Variants in CFAP54 observed in about 807,000 individuals in gnomAD.
CFAP54 encodes the protein cilia and flagella associated protein 54.
Under a neutral mutation model 370.4 loss-of-function variants are expected in CFAP54, and 290 were observed. The observed-to-expected ratio is 0.78, with a 90% CI of 0.71 to 0.86. The LOEUF (loss-of-function observed/expected upper bound fraction) is 0.86. Among genes scored for constraint, CFAP54 ranks in the 40% least tolerant of loss-of-function variants. CFAP54 has a pLI of 0.00. For missense variants in CFAP54, 3,399 were observed against 3,528.7 expected (o/e 0.96, Z 0.93); for synonymous variants, 1,206 against 1,236.5 (o/e 0.98, Z 0.52).
At chr12:96,682,419 G>T in intron 40 of CFAP54, 1 of 531,446 alleles carries the variant, frequency 1.9e-6, no homozygotes, top group Non-Finnish European at 2.4e-6. Flanking sequence ...CCAGGCTGGA[G>T]TGCAGTGGTG....
At chr12:96,684,791 A>C (rs369200967) in intron 41 of CFAP54, 56 bp downstream of exon 41, 255 of 1,412,502 alleles carry the variant, frequency 1.8e-4, no homozygotes, top group Non-Finnish European at 2.4e-4. Context: ...TGCTTGTTTG[A>C]AGAAGTTTTT....
At chr12:96,507,560 TAC>T (rs1303315790) in intron 4 of CFAP54, among the ~76,000 whole-genome samples, 2 of 61,626 alleles carry the variant, frequency 3.2e-5, no homozygotes, top group African/African-American at 1.1e-4. Flanking sequence ...CACACACACA[TAC>T]ACACACACAT....
chr12:96,693,748 A>C lies in CFAP54; in HGVS notation c.6291A>C (p.Gln2097His). 2 of 1,598,904 alleles carry C rather than the reference A, an allele frequency of 1.3e-6. No individual in the cohort carries two copies. The highest frequency in any genetic ancestry group is 2.7e-5 in the African/African-American group (2 of 74,672). Reference sequence around the variant, plus strand: ...TTCTGCCTCTCCTTGCATTGTATCAATATTTTGTTTCTGGAATTTGTCAAG... The same window carrying C: ...TTCTGCCTCTCCTTGCATTGTATCACTATTTTGTTTCTGGAATTTGTCAAG... ...LIVLPLLALY[Q>H]YFVSGICQDI... The change falls in exon 45 of 68, where the codon CAA becomes CAC. Residue 2097 changes from glutamine to histidine, a missense_variant. Gln to His is a conservative substitution (Grantham distance 24, BLOSUM62 0). This residue lies in a region of CFAP54 where 2,796 missense variants were observed against 2,869.7 expected (regional missense o/e 0.97). Coordinates refer to ENST00000524981, the MANE Select transcript of CFAP54 (RefSeq NM_001306084.2).
chr12:96,575,800 G>A (rs1277585485), intron 19 of CFAP54, among the ~76,000 whole-genome samples: 2 of 152,022 alleles, frequency 1.3e-5, no homozygotes, highest in Non-Finnish European at 2.9e-5. Flanking sequence ...TGCATGTAAT[G>A]TCCAATTGTC....
chr12:96,671,692 C>T (rs182772033), intron 39 of CFAP54, among the ~76,000 whole-genome samples: 4 of 152,002 alleles, frequency 2.6e-5, no homozygotes, highest in African/African-American at 2.4e-5. Flanking sequence ...GAGGCCAAGG[C>T]GAGTGGATTG....
chr12:96,692,265 T>A (rs1451217592), intron 44 of CFAP54, among the ~76,000 whole-genome samples: 1 of 152,192 alleles, frequency 6.6e-6, no homozygotes, highest in African/African-American at 2.4e-5. Context: ...TTTTTAAAAA[T>A]AACAAAATGG....
chr12:96,804,887 A>G (rs959649753), intron 63 of CFAP54, among the ~76,000 whole-genome samples: 4 of 152,156 alleles, frequency 2.6e-5, no homozygotes, highest in African/African-American at 9.6e-5. Flanking sequence ...GTACTGGTAT[A>G]AAAAATAGAC....
chr12:96,797,323 G>A (rs1459406414), intron 63 of CFAP54, among the ~76,000 whole-genome samples: 5 of 151,988 alleles, frequency 3.3e-5, no homozygotes, highest in Non-Finnish European at 1.5e-5. Context: ...GTATTTATGT[G>A]TAGTAGGTGA....
chr12:96,663,562 G>A (rs1328294317), intron 38 of CFAP54, among the ~76,000 whole-genome samples: 1 of 152,098 alleles, frequency 6.6e-6, no homozygotes, highest in African/African-American at 2.4e-5. Context: ...TGAATTTATA[G>A]AATATTAGGA....
At chr12:96,688,657 C>T (rs527266651) in intron 42 of CFAP54, among the ~76,000 whole-genome samples, 32 of 152,042 alleles carry the variant, frequency 2.1e-4, no homozygotes, top group South Asian at 1.5e-3. Context: ...GTATATGTTT[C>T]TCCGTGTGTA....
At chr12:96,864,250 G>T (rs185316375) in intron 67 of CFAP54, among the ~76,000 whole-genome samples, 4 of 152,206 alleles carry the variant, frequency 2.6e-5, no homozygotes, top group Admixed American at 2.6e-4. Context: ...AAACTGAAAG[G>T]GGGAGAAGAA....
intron 47 of CFAP54, among the ~76,000 whole-genome samples, chr12:96,706,147 T>C (rs894057845): frequency 1.3e-5 from 2 of 152,036 alleles, no homozygotes; most frequent in Non-Finnish European, 2.9e-5. Flanking sequence ...CAAGCTCTCA[T>C]GGAGCTTGTA....
At chr12:96,633,679 TGAA>T (rs892386139) in intron 32 of CFAP54, among the ~76,000 whole-genome samples, 1 of 152,212 alleles carries the variant, frequency 6.6e-6, no homozygotes, top group African/African-American at 2.4e-5. Flanking sequence ...ATTTACCTAT[TGAA>T]GAGCATTTAG....
chr12:96,506,110 C>T (rs937948517), intron 3 of CFAP54, among the ~76,000 whole-genome samples: 3 of 152,226 alleles, frequency 2.0e-5, no homozygotes, highest in African/African-American at 7.2e-5. Flanking sequence ...GAGGCCGAGG[C>T]AGGCGGATCA....
intron 48 of CFAP54, among the ~76,000 whole-genome samples, chr12:96,713,353 T>C (rs1319066462): frequency 1.3e-5 from 2 of 152,070 alleles, no homozygotes; most frequent in Non-Finnish European, 2.9e-5. Flanking sequence ...TATTCAGCCA[T>C]AAAAAAGAAT....
chr12:96,795,787 C>CT (rs1414438422), intron 63 of CFAP54, among the ~76,000 whole-genome samples: 35 of 152,210 alleles, frequency 2.3e-4, no homozygotes, highest in African/African-American at 8.2e-4. Flanking sequence ...CCATTTGCCC[C>CT]CTCCTCCAGA....
At chr12:96,619,267 A>G (rs1956458971) in intron 26 of CFAP54, among the ~76,000 whole-genome samples, 1 of 152,206 alleles carries the variant, frequency 6.6e-6, no homozygotes, top group Admixed American at 6.5e-5. Context: ...GCCATTCTAG[A>G]AGCTTCCTCC....
chr12:96,724,127 A>G (rs1378662377), intron 50 of CFAP54, among the ~76,000 whole-genome samples: 2 of 151,110 alleles, frequency 1.3e-5, no homozygotes, highest in African/African-American at 2.4e-5. Flanking sequence ...ATAGTGCCGC[A>G]ATAAACATAC....
chr12:96,848,450 G>A (rs1259532806), intron 66 of CFAP54, among the ~76,000 whole-genome samples: 2 of 152,146 alleles, frequency 1.3e-5, no homozygotes, highest in Non-Finnish European at 2.9e-5. Context: ...TGTAATCCCA[G>A]CACTTTGGGA....
Sources: allele counts gnomAD v4.1 joint callset (sites outside exome capture counted in the v4.1 genomes callset), GRCh38; gene constraint gnomAD v4.1.1; regional missense constraint gnomAD v4.1.1; transcripts MANE v1.5; gene names NCBI Gene and HGNC (gene_info 2026-07-23, HGNC 2026-07-21).